Variants in FNTB observed in about 807,000 individuals in gnomAD.
FNTB encodes protein farnesyltransferase subunit beta.
FNTB carries 27 observed loss-of-function variants against 59.4 expected under a neutral mutation model. The observed-to-expected ratio is 0.45, with a 90% CI of 0.34 to 0.63. FNTB has a LOEUF of 0.63. FNTB is among the 20% of genes least tolerant of loss of function. The pLI, the probability that FNTB is intolerant of heterozygous loss-of-function variation, is 0.02. For missense variants in FNTB, 449 were observed against 559.6 expected (o/e 0.80, Z 1.99); for synonymous variants, 230 against 220.7 (o/e 1.04, Z -0.37).
rs1483809286 is a variant in FNTB, at chr14:65,054,196, T to G, written c.1068-379T>G. On this transcript the variant is annotated intron_variant, in intron 10 of 11. Transcript: ENST00000246166. This position sits in a 1 kb window ranked among gnomAD's most constrained non-coding sequence, Gnocchi z 4.4. The stretch of plus-strand genomic sequence containing the variant: ...GTCACAATCATGACTCACTGCAGCC[T>G]TCACCTCTTGGGCTCGAGTGATCCT... Among the ~76,000 whole-genome samples, 2 of 152,114 alleles carry G rather than the reference T, an allele frequency of 1.3e-5. No individual in the cohort carries two copies. Among genetic ancestry groups the G allele is most frequent in the Non-Finnish European group, 2.9e-5 (2 of 68,038 alleles).
chr14:65,016,409 A>C (rs1310833258), intron 4 of FNTB: 1 of 152,278 alleles, frequency 6.6e-6, no homozygotes, highest in Non-Finnish European at 1.5e-5. Flanking sequence ...GGCAGCCAGG[A>C]ATTGGATCCA....
At chr14:64,993,136 C>T (rs1016298514) in intron 1 of FNTB, among the ~76,000 whole-genome samples, 12 of 152,148 alleles carry the variant, frequency 7.9e-5, no homozygotes, top group African/African-American at 2.9e-4. Context: ...ATCTTTAAAA[C>T]GTTGGTCTAC....
In FNTB at chr14:65,012,240, G is replaced by A. The variant is rs887016233; in HGVS notation, c.210-77G>A. 3 of 1,575,342 alleles carry A rather than the reference G, an allele frequency of 1.9e-6. No individual in the cohort carries two copies. The highest frequency in any genetic ancestry group is 1.3e-5 in the African/African-American group (1 of 74,102). On this transcript the variant is annotated intron_variant, in intron 2 of 11. Transcript: ENST00000246166. The surrounding 1 kb of genome is among the most constrained non-coding windows in gnomAD (Gnocchi z 5.0). ...CCTGAAGCTGAGTGTTTACCCGTGTGTGTGTACGTGCACATACGTGTGTAT... is the reference window on the plus strand; with the variant it reads ...CCTGAAGCTGAGTGTTTACCCGTGTATGTGTACGTGCACATACGTGTGTAT...
chr14:65,054,641 C>T lies in FNTB; in HGVS notation c.1134C>T (p.Ser378=), dbSNP rs746183083. The T allele has an allele frequency of 1.5e-5, 24 of 1,613,538 alleles. No homozygotes were observed. In the East Asian group the frequency reaches 3.3e-4, roughly 22 times the overall value. Residue 378 remains serine, a synonymous_variant, in exon 11 of 12, where the codon AGC becomes AGT. Transcript: ENST00000246166. The surrounding 1 kb of genome is among the most constrained non-coding windows in gnomAD (Gnocchi z 4.4). ...TGTCCATAGCCCAGCACTTCGGCAG[C>T]GGAGCCATGTTGCATGATGTGGTCC... The part of the protein sequence containing the change: ...SGLSIAQHFG[S]GAMLHDVVLG...
In FNTB at chr14:65,014,535, C is replaced by T. The variant is rs1192270867; in HGVS notation, c.283-1090C>T. 6.6e-6 allele frequency among the ~76,000 whole-genome samples: 1 copy of T among 152,160 alleles called. No individual in the cohort carries two copies. The highest frequency in any genetic ancestry group is 1.5e-5 in the Non-Finnish European group (1 of 68,030). ...AGCATCTCAAGAACAGAAACCAGTT[C>T]AGGCATGGTGGCTAATGCCTGTAAT... On this transcript the variant is annotated intron_variant, in intron 3 of 11. Coordinates refer to ENST00000246166, the MANE Select transcript of FNTB (RefSeq NM_002028.4). This position sits in a 1 kb window ranked among gnomAD's most constrained non-coding sequence, Gnocchi z 5.1.
At position 65,012,448 on chromosome 14, in the gene FNTB, T is replaced by TGTTGAA; in HGVS notation, c.282+59_282+60insGTTGAA. On this transcript the variant is annotated intron_variant, in intron 3 of 11. Transcript: ENST00000246166. The surrounding 1 kb of genome is among the most constrained non-coding windows in gnomAD (Gnocchi z 5.0). Reference sequence around the variant, plus strand: ...ATTATCCACCAAATCCTCCTCCTTTTTCTATTTAAACGTAAAAGACTGTTG... The same window carrying TGTTGAA: ...ATTATCCACCAAATCCTCCTCCTTTTGTTGAATCTATTTAAACGTAAAAGACTGTTG... 6.2e-7 allele frequency: 1 copy of TGTTGAA among 1,607,072 alleles called. No homozygotes were observed. Among genetic ancestry groups the TGTTGAA allele is most frequent in the Non-Finnish European group, 8.5e-7 (1 of 1,174,712 alleles).
intron 4 of FNTB, among the ~76,000 whole-genome samples, chr14:65,022,291 T>G (rs1168370685): frequency 6.6e-6 from 1 of 151,908 alleles, no homozygotes; most frequent in Non-Finnish European, 1.5e-5. Flanking sequence ...TCTGTTTTTT[T>G]TTTTTTAAAC....
At position 65,011,870 on chromosome 14, in the gene FNTB, A is replaced by C. The variant is rs190710665; in HGVS notation, c.210-447A>C. 1.7e-4 allele frequency among the ~76,000 whole-genome samples: 26 copies of C among 152,220 alleles called. No individual in the cohort carries two copies. The highest frequency in any genetic ancestry group is 6.3e-4 in the African/African-American group (26 of 41,532). ...AGGGAGTAAATTATGGGCCTTGGAG[A>C]AGTCATCCCAGACGGGGTGACTGAA... On this transcript the variant is annotated intron_variant, in intron 2 of 11. Coordinates refer to ENST00000246166, the MANE Select transcript of FNTB (RefSeq NM_002028.4). The surrounding 1 kb of genome is among the most constrained non-coding windows in gnomAD (Gnocchi z 4.0).
chr14:65,034,341 T>C (rs955463351), intron 7 of FNTB, among the ~76,000 whole-genome samples: 2 of 152,216 alleles, frequency 1.3e-5, no homozygotes, highest in Non-Finnish European at 2.9e-5. Flanking sequence ...TTTTCTTATT[T>C]TCATGAAGTA....
chr14:65,003,790 C>A (rs1474286168), intron 1 of FNTB: 2 of 152,314 alleles, frequency 1.3e-5, no homozygotes, highest in African/African-American at 4.8e-5. Flanking sequence ...AACACTCTCA[C>A]AAGTGGAGAT....
intron 2 of FNTB, among the ~76,000 whole-genome samples, chr14:65,005,298 T>G (rs2061562800): frequency 6.6e-6 from 1 of 152,218 alleles, no homozygotes; most frequent in African/African-American, 2.4e-5. Context: ...TTCATAAGGT[T>G]ATTTCATTCT....
rs2061667122 is a variant in FNTB at position 65,010,554 on chromosome 14, C to G, written c.210-1763C>G. ...AGCTCCTCAGAGCTTCTAACCCTGT[C>G]TCCCCACCCCATCTGTCTGCCCACT... On this transcript the variant is annotated intron_variant, in intron 2 of 11. Transcript: ENST00000246166. Among the ~76,000 whole-genome samples, 6 of 152,310 alleles carry G rather than the reference C, an allele frequency of 3.9e-5. No homozygotes were observed. The South Asian group carries it at 1.2e-3, about 32-fold the overall frequency.
In FNTB at chr14:65,012,274, C is replaced by T. The variant is rs1555390879; in HGVS notation, c.210-43C>T. 1 of 1,610,704 alleles carries T rather than the reference C, an allele frequency of 6.2e-7. No individual in the cohort carries two copies. The highest frequency in any genetic ancestry group is 2.2e-5 in the East Asian group (1 of 44,830). ...TGCACATACGTGTGTATGGTGGAAG[C>T]ATAAGCTATTAGAATGGGCTTATAA... On this transcript the variant is annotated intron_variant, in intron 2 of 11. Transcript: ENST00000246166. The surrounding 1 kb of genome is among the most constrained non-coding windows in gnomAD (Gnocchi z 5.0).
chr14:65,029,095 G>C lies in FNTB; in HGVS notation c.605+1314G>C, dbSNP rs577204828. 6.6e-6 allele frequency among the ~76,000 whole-genome samples: 1 copy of C among 152,156 alleles called. No individual in the cohort carries two copies. The highest frequency in any genetic ancestry group is 2.1e-4 in the South Asian group (1 of 4,816). On this transcript the variant is annotated intron_variant, in intron 6 of 11. Coordinates refer to ENST00000246166, the MANE Select transcript of FNTB (RefSeq NM_002028.4). This position sits in a 1 kb window ranked among gnomAD's most constrained non-coding sequence, Gnocchi z 4.7. ...TCCAGTAAGGCAGCTTGGTTCCCCT[G>C]CCAAGCACTGTAGCCATATTCTTCC...
chr14:65,009,797 T>C lies in FNTB; in HGVS notation c.210-2520T>C, dbSNP rs1185312790. On this transcript the variant is annotated intron_variant, in intron 2 of 11. Transcript: ENST00000246166. The surrounding 1 kb of genome is among the most constrained non-coding windows in gnomAD (Gnocchi z 4.2). ...CATGTCTTTCCAGCCTTAAACTCAA[T>C]GCTCTTCCCTTTGGGAAGAGTTTTC... Among the ~76,000 whole-genome samples the C allele has an allele frequency of 6.6e-6, 1 of 152,198 alleles. No homozygotes were observed. Among genetic ancestry groups the C allele is most frequent in the Non-Finnish European group, 1.5e-5 (1 of 68,036 alleles).
At chr14:65,008,132 C>T (rs915115360) in intron 2 of FNTB, among the ~76,000 whole-genome samples, 6 of 152,188 alleles carry the variant, frequency 3.9e-5, no homozygotes, top group African/African-American at 1.2e-4. Context: ...CACCTTTCCT[C>T]GATTGCTTTA....
At position 65,028,761 on chromosome 14, in the gene FNTB, G is replaced by A. The variant is rs1463795089; in HGVS notation, c.605+980G>A. ...TGTATACCAGTGAAACCAGTAGAAC[G>A]ACTGAGGTAAATCAGTATGTGTTGA... On this transcript the variant is annotated intron_variant, in intron 6 of 11. Transcript: ENST00000246166. This position sits in a 1 kb window ranked among gnomAD's most constrained non-coding sequence, Gnocchi z 4.4. Among the ~76,000 whole-genome samples, 1 of 152,178 alleles carries A rather than the reference G, an allele frequency of 6.6e-6. No individual in the cohort carries two copies. Among genetic ancestry groups the A allele is most frequent in the Non-Finnish European group, 1.5e-5 (1 of 68,028 alleles).
chr14:65,056,692 C>G (rs920788979), intron 11 of FNTB, among the ~76,000 whole-genome samples: 2 of 152,076 alleles, frequency 1.3e-5, no homozygotes, highest in African/African-American at 4.8e-5. Flanking sequence ...CAGTTGTTTT[C>G]CCTTAAGTAT....
rs1224063841 is a variant in FNTB at position 65,044,584 on chromosome 14, A to G, written c.955+141A>G. The G allele has an allele frequency of 8.7e-6, 11 of 1,259,036 alleles. No individual in the cohort carries two copies. In the African/African-American group the frequency reaches 1.4e-4, roughly 16 times the overall value. 78.0% of individuals were successfully genotyped at this position (1,259,036 alleles called of 1,614,324 possible). A position where few individuals can be genotyped will look rare whatever the true frequency, so the allele number is the denominator to read the frequency against. ...TTTTGAGTGCCCAGTGTGGAACCTC[A>G]TGCCGTGGGGCATGCGAATGCAGAG... On this transcript the variant is annotated intron_variant, in intron 9 of 11. Transcript: ENST00000246166. The surrounding 1 kb of genome is among the most constrained non-coding windows in gnomAD (Gnocchi z 5.5).
Sources: gnomAD v4.1 joint callset for allele counts (sites outside exome capture counted in the v4.1 genomes callset) on GRCh38, gnomAD v4.1.1 for gene constraint, Gnocchi (gnomAD v3.1) non-coding constraint, MANE v1.5 for transcripts, NCBI Gene and HGNC (gene_info 2026-07-23, HGNC 2026-07-21) for gene names.